Variants in GRM1 observed in about 807,000 individuals in gnomAD.
GRM1 encodes metabotropic glutamate receptor 1.
Under a neutral mutation model 90.9 loss-of-function variants are expected in GRM1, and 33 were observed. The observed-to-expected ratio is 0.36, with a 90% CI of 0.28 to 0.49. GRM1 has a LOEUF of 0.49. GRM1 is among the 20% of genes least tolerant of loss of function. The probability of loss-of-function intolerance (pLI) is 0.99; values close to 1 mark genes in which losing one functional copy is unlikely to be tolerated. For synonymous variants in GRM1, 700 were observed against 613.2 expected, an observed-to-expected ratio of 1.14 and a Z score of -2.09; for missense variants, 1,190 against 1,534.3, an observed-to-expected ratio of 0.78 and a Z score of 3.75.
chr6:146,263,593 T>C (rs2114798856), intron 2 of GRM1, among the ~76,000 whole-genome samples: 1 of 152,158 alleles, frequency 6.6e-6, no homozygotes, highest in East Asian at 1.9e-4. Context: ...CCTTATCTCG[T>C]ACACAAGCAT....
chr6:146,376,025 TTG>T (rs1194292755), intron 5 of GRM1, among the ~76,000 whole-genome samples: 1 of 152,142 alleles, frequency 6.6e-6, no homozygotes, highest in African/African-American at 2.4e-5. Context: ...CTTTTCTTTT[TTG>T]TGTGTGTTTC....
At chr6:146,038,580 G>A (rs1016142036) in intron 1 of GRM1, among the ~76,000 whole-genome samples, 2 of 152,060 alleles carry the variant, frequency 1.3e-5, no homozygotes, top group African/African-American at 4.8e-5. Flanking sequence ...GTTCTGTGGT[G>A]GAGATGTGAA....
intron 1 of GRM1, among the ~76,000 whole-genome samples, chr6:146,096,767 T>C (rs1010543904): frequency 1.3e-5 from 2 of 152,130 alleles, no homozygotes; most frequent in African/African-American, 4.8e-5. Flanking sequence ...AGTAATAAGT[T>C]TGATGATATC....
At chr6:146,424,083 G>A (rs1039495460) in intron 7 of GRM1, among the ~76,000 whole-genome samples, 10 of 152,102 alleles carry the variant, frequency 6.6e-5, no homozygotes, top group Admixed American at 2.6e-4. Flanking sequence ...AAGTTGAACC[G>A]GTTACCTCTC....
At chr6:146,042,186 TG>T (rs1219162659) in intron 1 of GRM1, among the ~76,000 whole-genome samples, 1 of 152,026 alleles carries the variant, frequency 6.6e-6, no homozygotes, top group African/African-American at 2.4e-5. Flanking sequence ...ACATGGATTT[TG>T]GGGGACGTTC....
At position 146,123,319 on chromosome 6, in the gene GRM1, T is replaced by C. The variant is rs145708694; in HGVS notation, c.701-36029T>C. On this transcript the variant is annotated intron_variant, in intron 1 of 7. Transcript: ENST00000282753. ...TCCCAGCGAAAGTGATTACAATTCTTGCAGAGAGTGAATTTATATTCTAAT... is the reference window on the plus strand; with the variant it reads ...TCCCAGCGAAAGTGATTACAATTCTCGCAGAGAGTGAATTTATATTCTAAT... Among the ~76,000 whole-genome samples the C allele has an allele frequency of 9.0e-3, 1,364 of 152,324 alleles. 12 individuals are homozygous for C. The highest frequency in any genetic ancestry group is 0.013 in the Non-Finnish European group (910 of 68,022).
intron 2 of GRM1, among the ~76,000 whole-genome samples, chr6:146,214,508 C>T (rs948182366): frequency 6.6e-6 from 1 of 151,930 alleles, no homozygotes; most frequent in Admixed American, 6.6e-5. Context: ...TTAGAATAAA[C>T]CGCAAAAAGT....
intron 5 of GRM1, among the ~76,000 whole-genome samples, chr6:146,370,812 A>T (rs1775869303): frequency 6.6e-6 from 1 of 152,068 alleles, no homozygotes; most frequent in African/African-American, 2.4e-5. Flanking sequence ...TGCAAAATGT[A>T]CACAATTAAC....
At chr6:146,089,466 ATG>A (rs1179936817) in intron 1 of GRM1, among the ~76,000 whole-genome samples, 1 of 152,116 alleles carries the variant, frequency 6.6e-6, no homozygotes, top group African/African-American at 2.4e-5. Flanking sequence ...CTAAGGGATA[ATG>A]TGTGTGTGTT....
At chr6:146,388,042 A>AAC (rs1205561170) in intron 6 of GRM1, among the ~76,000 whole-genome samples, 1 of 152,128 alleles carries the variant, frequency 6.6e-6, no homozygotes, top group Non-Finnish European at 1.5e-5. Context: ...ATGAGTTTGT[A>AAC]AGTTTCCTAA....
At chr6:146,132,274 A>G (rs1033221516) in intron 1 of GRM1, among the ~76,000 whole-genome samples, 1 of 151,928 alleles carries the variant, frequency 6.6e-6, no homozygotes, top group Non-Finnish European at 1.5e-5. Flanking sequence ...GAGGAAAAAC[A>G]GTGGATGTGG....
At position 146,434,430 on chromosome 6, in the gene GRM1, G is replaced by A. The variant is rs362826; in HGVS notation, c.3219G>A (p.Gln1073=). The A allele has an allele frequency of 3.5e-3, 5,713 of 1,613,582 alleles. 161 individuals carry two copies. In the East Asian group the frequency reaches 0.072, roughly 20 times the overall value. ...TGTACCCGCCCCCGCCACCTCCGCA[G>A]CACCTGCAGATGCTGCCGCTGCAGC... ...RSLYPPPPPP[Q]HLQMLPLQLS... The change falls in exon 8 of 8, where the codon CAG becomes CAA. Residue 1073 remains glutamine, a synonymous_variant. Transcript: ENST00000282753.
intron 2 of GRM1, among the ~76,000 whole-genome samples, chr6:146,258,260 C>T (rs1034929272): frequency 8.6e-5 from 13 of 152,026 alleles, no homozygotes; most frequent in Admixed American, 2.6e-4. Context: ...TTGGGGTGCA[C>T]GTTTTCCTGA....
Position 146,356,883 on chromosome 6 carries a change from T to C in GRM1, c.1434-643T>C, listed in dbSNP as rs71566436. Among the ~76,000 whole-genome samples the C allele has an allele frequency of 9.1e-4, 138 of 152,328 alleles. No homozygotes were observed. In the South Asian group the frequency reaches 0.012, roughly 13 times the overall value. On this transcript the variant is annotated intron_variant, in intron 4 of 7. Transcript: ENST00000282753. Reference sequence around the variant, plus strand: ...GATTACTATAGTGAAGAGTTCTAAGTGCAGGTTTTGCCATTGTGTAGTGTT... The same window carrying C: ...GATTACTATAGTGAAGAGTTCTAAGCGCAGGTTTTGCCATTGTGTAGTGTT...
intron 2 of GRM1, among the ~76,000 whole-genome samples, chr6:146,237,489 C>T (rs9766182): frequency 6.8e-6 from 1 of 146,910 alleles, no homozygotes; most frequent in African/African-American, 2.6e-5. Flanking sequence ...AATATTTTTA[C>T]AAATAGTTAT....
intron 5 of GRM1, among the ~76,000 whole-genome samples, chr6:146,370,416 A>G (rs1463408041): frequency 6.6e-6 from 1 of 152,068 alleles, no homozygotes; most frequent in East Asian, 1.9e-4. Context: ...AGGCACTCAA[A>G]TAGAATTTTG....
intron 2 of GRM1, among the ~76,000 whole-genome samples, chr6:146,207,726 T>A (rs994197566): frequency 3.3e-5 from 5 of 152,180 alleles, no homozygotes; most frequent in African/African-American, 1.2e-4. Context: ...TTTGTTTTGA[T>A]GAGAGGGGGA....
At chr6:146,154,275 G>A (rs1777441828) in intron 1 of GRM1, among the ~76,000 whole-genome samples, 1 of 152,206 alleles carries the variant, frequency 6.6e-6, no homozygotes, top group Non-Finnish European at 1.5e-5. Context: ...CTTCTGCTGA[G>A]AGGGTCTGCT....
intron 2 of GRM1, among the ~76,000 whole-genome samples, chr6:146,277,828 TTAA>T: frequency 6.6e-6 from 1 of 152,306 alleles, no homozygotes; most frequent in South Asian, 2.1e-4. Flanking sequence ...AGTCTTTTAA[TTAA>T]TAATATCACT....
Sources: gnomAD v4.1 joint callset for allele counts (sites outside exome capture counted in the v4.1 genomes callset) on GRCh38, gnomAD v4.1.1 for gene constraint, MANE v1.5 for transcripts, NCBI Gene and HGNC (gene_info 2026-07-23, HGNC 2026-07-21) for gene names.